Variants in STRN3 observed in about 807,000 individuals in gnomAD.
STRN3 encodes the protein striatin-3.
In STRN3, 29 loss-of-function variants were observed where a neutral mutation model predicts 95.6. The ratio of observed to expected loss-of-function variants is 0.30; its 90% CI spans 0.23 to 0.41. STRN3 has a LOEUF of 0.41. Ranked by LOEUF, STRN3 falls within the 10% of genes least tolerant of loss-of-function variation. The pLI is 1.00. For missense variants in STRN3, 890 were observed against 972.1 expected (o/e 0.92, Z 1.12); for synonymous variants, 331 against 357.6 (o/e 0.93, Z 0.84).
At chr14:30,972,903 T>C (rs774023650) in intron 1 of STRN3, among the ~76,000 whole-genome samples, 1 of 152,244 alleles carries the variant, frequency 6.6e-6, no homozygotes, top group Non-Finnish European at 1.5e-5. Context: ...ATAATATTTA[T>C]TTCAGAATCA....
At chr14:30,943,478 T>G (rs938220591) in intron 5 of STRN3, among the ~76,000 whole-genome samples, 2 of 152,106 alleles carry the variant, frequency 1.3e-5, no homozygotes, top group East Asian at 3.9e-4. Flanking sequence ...CATGTGGCTG[T>G]AGTCCCAGCT....
At position 30,970,221 on chromosome 14, in the gene STRN3, A is replaced by T. The variant is rs772518503; in HGVS notation, c.283-13979T>A. Among the ~76,000 whole-genome samples the T allele has an allele frequency of 9.9e-5, 15 of 152,272 alleles. No individual in the cohort carries two copies. In the South Asian group the frequency reaches 1.0e-3, roughly 11 times the overall value. ...AGACAGCTCTCTATTTCAGAAAAGT[A>T]CCTTGTCCCTCCTGACTCTCCTCAG... is the stretch of plus-strand genomic sequence containing the variant. On this transcript the variant is annotated intron_variant, in intron 1 of 17. Transcript: ENST00000357479.
chr14:30,997,458 T>C (rs1286715175), intron 1 of STRN3, among the ~76,000 whole-genome samples: 3 of 152,118 alleles, frequency 2.0e-5, no homozygotes, highest in Admixed American at 6.5e-5. Context: ...ACTCTATAGA[T>C]TAGAGCCCGC....
At chr14:30,919,248 A>T in intron 8 of STRN3, 142 bp from the exon 9 acceptor site, 1 of 848,672 alleles carries the variant, frequency 1.2e-6, no homozygotes, top group East Asian at 2.7e-5. Flanking sequence ...GATGTCTTCC[A>T]TTTTCCATAC....
At chr14:30,933,999 C>T (rs1227781834) in intron 7 of STRN3, among the ~76,000 whole-genome samples, 2 of 152,294 alleles carry the variant, frequency 1.3e-5, no homozygotes, top group Middle Eastern at 3.4e-3. Flanking sequence ...ATTCCTCTAG[C>T]TTGTAATTAA....
At chr14:30,971,813 T>C (rs772406951) in intron 1 of STRN3, among the ~76,000 whole-genome samples, 29 of 152,258 alleles carry the variant, frequency 1.9e-4, no homozygotes, top group Non-Finnish European at 3.4e-4. Flanking sequence ...TAGCCTCAAT[T>C]CTTCCCTTGC....
chr14:30,912,769 G>A (rs1896642373), intron 10 of STRN3, among the ~76,000 whole-genome samples: 1 of 151,992 alleles, frequency 6.6e-6, no homozygotes. Flanking sequence ...GCAGTCAAAA[G>A]TTTACTGGAA....
chr14:31,011,764 CTTTT>C (rs1566491692), intron 1 of STRN3, among the ~76,000 whole-genome samples: 1 of 152,078 alleles, frequency 6.6e-6, no homozygotes, highest in Non-Finnish European at 1.5e-5. Flanking sequence ...ATCCCCAACC[CTTTT>C]TATTTATTTT....
At chr14:30,991,117 T>C (rs1327485463) in intron 1 of STRN3, among the ~76,000 whole-genome samples, 3 of 152,220 alleles carry the variant, frequency 2.0e-5, no homozygotes, top group Admixed American at 6.5e-5. Flanking sequence ...CTAGGTTTTA[T>C]TTTCAGCTTG....
intron 5 of STRN3, among the ~76,000 whole-genome samples, chr14:30,944,896 A>G (rs1046508644): frequency 3.3e-5 from 5 of 152,116 alleles, no homozygotes; most frequent in Non-Finnish European, 7.3e-5. Context: ...TACAGACATG[A>G]GCTACTGTGC....
At chr14:30,900,906 C>A (rs1207498885) in intron 16 of STRN3, among the ~76,000 whole-genome samples, 1 of 152,052 alleles carries the variant, frequency 6.6e-6, no homozygotes, top group Non-Finnish European at 1.5e-5. Flanking sequence ...ATTGAGTAAG[C>A]TTTTACTGAC....
intron 1 of STRN3, among the ~76,000 whole-genome samples, chr14:31,009,024 A>C (rs559210042): frequency 6.6e-6 from 1 of 152,228 alleles, no homozygotes; most frequent in South Asian, 2.1e-4. Flanking sequence ...GGGAAACAGA[A>C]AGAGACCCTC....
chr14:30,963,154 G>A (rs1038936713), intron 1 of STRN3, among the ~76,000 whole-genome samples: 1 of 152,238 alleles, frequency 6.6e-6, no homozygotes, highest in Middle Eastern at 3.4e-3. Context: ...TTATCAAAAC[G>A]TATGAAGCAA....
chr14:30,935,347 G>A, intron 6 of STRN3, 43 bp from the exon 7 acceptor site: 6 of 1,586,098 alleles, frequency 3.8e-6, no homozygotes, highest in Non-Finnish European at 5.2e-6. Flanking sequence ...TATCCTAAAT[G>A]GAAAAGGGAT....
chr14:30,895,360 G>A lies in STRN3; in HGVS notation c.*51C>T. 2 of 1,533,048 alleles carry A rather than the reference G, an allele frequency of 1.3e-6. No homozygotes were observed. Among genetic ancestry groups the A allele is most frequent in the South Asian group, 1.3e-5 (1 of 79,494 alleles). The allele number at this position is 1,533,048 out of a possible 1,614,324, so 95.0% of individuals were successfully genotyped here. On this transcript the variant is annotated 3_prime_UTR_variant, in exon 18 of 18. Coordinates refer to ENST00000357479, the MANE Select transcript of STRN3 (RefSeq NM_001083893.2). Reference sequence around the variant, plus strand: ...TAACCTTTCTGATGGCAGTGATGCAGACCCTCTTTCTGTCCAAGCAAATCT... The same window carrying A: ...TAACCTTTCTGATGGCAGTGATGCAAACCCTCTTTCTGTCCAAGCAAATCT...
chr14:30,972,055 A>T (rs1046350209), intron 1 of STRN3, among the ~76,000 whole-genome samples: 1 of 152,212 alleles, frequency 6.6e-6, no homozygotes, highest in African/African-American at 2.4e-5. Context: ...GGATTGTTAG[A>T]TATGAGTTCT....
Position 30,912,191 on chromosome 14 carries a change from A to G in STRN3, c.1375-9T>C. 2 of 1,610,102 alleles carry G rather than the reference A, an allele frequency of 1.2e-6. No individual in the cohort carries two copies. Among genetic ancestry groups the G allele is most frequent in the Non-Finnish European group, 1.7e-6 (2 of 1,178,696 alleles). On this transcript the variant is annotated splice_polypyrimidine_tract_variant and intron_variant, in intron 10 of 17. Coordinates refer to ENST00000357479, the MANE Select transcript of STRN3 (RefSeq NM_001083893.2). ...TCTTTATTAGCAGGCAACTAAAAGG[A>G]AAGAGCACAATATTTAGTGGTAAAA...
rs116238951 is a variant in STRN3 at position 31,012,467 on chromosome 14, C to G, written c.282+13437G>C. Among the ~76,000 whole-genome samples the G allele has an allele frequency of 8.6e-3, 1,316 of 152,324 alleles. 23 individuals carry two copies. The highest frequency in any genetic ancestry group is 0.03 in the African/African-American group (1,245 of 41,568). On this transcript the variant is annotated intron_variant, in intron 1 of 17. Transcript: ENST00000357479. ...ACAGAGTTTGAGGCAGCAAGACTGA[C>G]TGCTCACACATTTAAGAAAGAACAC...
Position 31,026,044 on chromosome 14 carries a change from C to T in STRN3, c.142G>A (p.Gly48Arg). The change falls in exon 1 of 18, where the codon GGA becomes AGA. Residue 48 changes from glycine (G) to arginine (R), a missense_variant. By Grantham distance (125) the Gly-to-Arg change is moderately radical. Transcript: ENST00000357479. ...AGGGGPPASE[G>R]AGPAAGPELS... ...TCGGGGCCTGCCGCGGGACCCGCTC[C>T]CTCGGAGGCCGGAGGACCCCCGCCG... 1 of 1,533,436 alleles carries T rather than the reference C, an allele frequency of 6.5e-7. No individual in the cohort carries two copies. The highest frequency in any genetic ancestry group is 8.8e-7 in the Non-Finnish European group (1 of 1,140,252). The allele number at this position is 1,533,436 out of a possible 1,614,324, so 95.0% of individuals were successfully genotyped here. A position where few individuals can be genotyped will look rare whatever the true frequency, so the allele number is the denominator to read the frequency against.
Sources: gnomAD v4.1 joint callset for allele counts (sites outside exome capture counted in the v4.1 genomes callset) on GRCh38, gnomAD v4.1.1 for gene constraint, MANE v1.5 for transcripts, NCBI Gene and HGNC (gene_info 2026-07-23, HGNC 2026-07-21) for gene names.